Variants in PDS5A observed in about 807,000 individuals in gnomAD.
The protein encoded by PDS5A is PDS5 cohesin associated factor A.
A neutral mutation model predicts 167.1 loss-of-function variants in PDS5A; 42 were observed. That is an observed-to-expected ratio of 0.25 (90% CI 0.20 to 0.33). The LOEUF (loss-of-function observed/expected upper bound fraction) is 0.33, where lower values mean the gene tolerates loss of function less well. Among genes scored for constraint, PDS5A ranks in the 10% least tolerant of loss-of-function variants. The probability of loss-of-function intolerance (pLI) is 1.00; values close to 1 mark genes in which losing one functional copy is unlikely to be tolerated. For synonymous variants in PDS5A, 553 were observed against 554.6 expected (o/e 1.00, Z 0.04); for missense variants, 1,033 against 1,605.9 (o/e 0.64, Z 6.10).
intron 2 of PDS5A, among the ~76,000 whole-genome samples, chr4:39,943,620 CAA>C (rs67431661): frequency 0.28 from 31,495 of 110,746 alleles, 3,385 homozygotes; most frequent in South Asian, 0.41. Context: ...CCCGTTTCTA[CAA>C]AAAAAAAAAA....
chr4:39,934,131 C>A (rs1215687861), intron 2 of PDS5A, among the ~76,000 whole-genome samples: 1 of 152,176 alleles, frequency 6.6e-6, no homozygotes, highest in Non-Finnish European at 1.5e-5. Context: ...ACTTCCTAAT[C>A]ACTGGATTAC....
At position 39,954,671 on chromosome 4, in the gene PDS5A, A is replaced by AAAT. The variant is rs1491257428; in HGVS notation, c.138+21768_138+21769insATT. On this transcript the variant is annotated intron_variant, in intron 2 of 32. Transcript: ENST00000303538. The stretch of plus-strand genomic sequence containing the variant: ...AAGTACCCATTGTCAAGAGATAAGT[A>AAAT]AAAAAAAAAAAAAAAAAAAAAAAAA... Among the ~76,000 whole-genome samples the AAAT allele has an allele frequency of 8.6e-4, 50 of 58,420 alleles. 1 individual carries two copies. Among genetic ancestry groups the AAAT allele is most frequent in the Admixed American group, 1.7e-3 (10 of 5,778 alleles). The allele number at this position is 58,420 out of a possible 152,430, so 38.3% of individuals were successfully genotyped here. A position where few individuals can be genotyped will look rare whatever the true frequency, so the allele number is the denominator to read the frequency against.
chr4:39,916,860 C>A (rs1724439519), intron 8 of PDS5A, among the ~76,000 whole-genome samples, 188 bp downstream of exon 8: 1 of 151,612 alleles, frequency 6.6e-6, no homozygotes, highest in South Asian at 2.1e-4. Flanking sequence ...CAGCAAAACT[C>A]CGTCTCAAAA....
chr4:39,921,301 C>G (rs1724937952), intron 6 of PDS5A, among the ~76,000 whole-genome samples: 1 of 152,050 alleles, frequency 6.6e-6, no homozygotes, highest in African/African-American at 2.4e-5. Flanking sequence ...CATAAATAAG[C>G]AATAGTCCAA....
At chr4:39,921,010 G>A (rs1343245308) in intron 6 of PDS5A, among the ~76,000 whole-genome samples, 1 of 152,080 alleles carries the variant, frequency 6.6e-6, no homozygotes, top group Non-Finnish European at 1.5e-5. Context: ...TTCTTGTTTT[G>A]AATAATACCT....
intron 16 of PDS5A, among the ~76,000 whole-genome samples, chr4:39,895,945 C>T (rs569260238): frequency 5.9e-5 from 9 of 151,268 alleles, no homozygotes; most frequent in Admixed American, 3.3e-4. Flanking sequence ...AGGATGGTCT[C>T]GATCTCCCGA....
intron 21 of PDS5A, 35 bp from the exon 22 acceptor site, chr4:39,869,497 G>GAAAAA: frequency 8.9e-7 from 1 of 1,129,650 alleles, no homozygotes. Context: ...CTATTAGCAT[G>GAAAAA]AAAAAAAAAA....
chr4:39,967,070 C>T (rs1271493659), intron 2 of PDS5A, among the ~76,000 whole-genome samples: 1 of 151,850 alleles, frequency 6.6e-6, no homozygotes, highest in Non-Finnish European at 1.5e-5. Flanking sequence ...TTTGGGAGGC[C>T]GAGGTGGGTG....
chr4:39,959,259 A>C (rs1260857586), intron 2 of PDS5A, among the ~76,000 whole-genome samples: 2 of 152,228 alleles, frequency 1.3e-5, no homozygotes, highest in African/African-American at 2.4e-5. Context: ...ACAAATCACA[A>C]TGCCACTACT....
At chr4:39,867,601 T>C (rs1719592155) in intron 22 of PDS5A, among the ~76,000 whole-genome samples, 1 of 150,294 alleles carries the variant, frequency 6.7e-6, no homozygotes, top group African/African-American at 2.4e-5. Context: ...ACGCCTGTAG[T>C]CCCAGCTACT....
chr4:39,946,512 T>C (rs1161846289), intron 2 of PDS5A, among the ~76,000 whole-genome samples: 1 of 152,046 alleles, frequency 6.6e-6, no homozygotes, highest in Non-Finnish European at 1.5e-5. Context: ...GCTGGTTCTT[T>C]GAAAACATCA....
chr4:39,900,590 T>G (rs2109650626), intron 13 of PDS5A, 83 bp from the exon 14 acceptor site: 2 of 823,170 alleles, frequency 2.4e-6, no homozygotes, highest in South Asian at 1.4e-5. Context: ...TGTTGCATGC[T>G]GTATATACAC....
Position 39,920,375 on chromosome 4 carries a change from G to T in PDS5A, c.679C>A (p.Leu227Ile). Residue 227 changes from leucine (L) to isoleucine (I), a missense_variant, in exon 7 of 33, where the codon CTT (leucine) becomes ATT (isoleucine). By Grantham distance (5) the Leu-to-Ile change is conservative (BLOSUM62 2). Transcript: ENST00000303538. ...HKNLNKQSFD[L>I]AKVLLKRTVQ... ...GTTCTTTTCAATAGCACTTTTGCAA[G>T]GTCAAAGGACTGTTTATTTAAGTTC... 3 of 1,546,476 alleles carry T rather than the reference G, an allele frequency of 1.9e-6. No individual in the cohort carries two copies. The highest frequency in any genetic ancestry group is 2.7e-6 in the Non-Finnish European group (3 of 1,123,052).
intron 26 of PDS5A, among the ~76,000 whole-genome samples, chr4:39,859,164 T>A (rs1045165855): frequency 6.6e-5 from 10 of 152,072 alleles, no homozygotes; most frequent in African/African-American, 2.4e-4. Flanking sequence ...TTAAAAGTGG[T>A]AAAAAACTGC....
chr4:39,925,991 A>T, intron 4 of PDS5A, 58 bp from the exon 5 acceptor site: 1 of 499,640 alleles, frequency 2.0e-6, no homozygotes, highest in Admixed American at 4.3e-5. Flanking sequence ...GTTATATAAT[A>T]AAAAACTCAG....
At position 39,977,297 on chromosome 4, in the gene PDS5A, T is replaced by C. The variant is rs1731208361; in HGVS notation, c.-41+160A>G. Among the ~76,000 whole-genome samples, 1 of 151,784 alleles carries C rather than the reference T, an allele frequency of 6.6e-6. No individual in the cohort carries two copies. ...GGCTGAGGGACCCCAGCTGCTTCTC[T>C]GGCCCCCGGCCGCTTGGCGCCTCCG... On this transcript the variant is annotated intron_variant, in intron 1 of 32. Coordinates refer to ENST00000303538, the MANE Select transcript of PDS5A (RefSeq NM_001100399.2). This position sits in a 1 kb window ranked among gnomAD's most constrained non-coding sequence, Gnocchi z 4.2.
intron 26 of PDS5A, among the ~76,000 whole-genome samples, chr4:39,853,820 A>G (rs1718313309): frequency 6.6e-6 from 1 of 152,222 alleles, no homozygotes; most frequent in Admixed American, 6.5e-5. Flanking sequence ...ATCTTTTGGC[A>G]ATTTGGCTTT....
chr4:39,924,527 A>C (rs944691644), intron 5 of PDS5A, among the ~76,000 whole-genome samples: 1 of 152,208 alleles, frequency 6.6e-6, no homozygotes, highest in Non-Finnish European at 1.5e-5. Context: ...ATTCCATCTA[A>C]GGAAAAAGAA....
rs1444854391 is a variant in PDS5A at position 39,943,829 on chromosome 4, CA to C, written c.139-15666del. Among the ~76,000 whole-genome samples the C allele has an allele frequency of 5.3e-5, 8 of 150,784 alleles. No homozygotes were observed. The Admixed American group carries it at 5.3e-4, about 10-fold the overall frequency. ...AAAAACAAACAAACAACAACAACAA[CA>C]AAAAGATCCATTCTACCAGACCTAA... is the stretch of plus-strand genomic sequence containing the variant. On this transcript the variant is annotated intron_variant, in intron 2 of 32. Coordinates refer to ENST00000303538, the MANE Select transcript of PDS5A (RefSeq NM_001100399.2).
Sources: gnomAD v4.1 joint callset for allele counts (sites outside exome capture counted in the v4.1 genomes callset) on GRCh38, gnomAD v4.1.1 for gene constraint, Gnocchi (gnomAD v3.1) non-coding constraint, MANE v1.5 for transcripts, NCBI Gene and HGNC (gene_info 2026-07-23, HGNC 2026-07-21) for gene names.